The following ANTXR1 variants were observed in gnomAD, a reference collection of about 807,000 sequenced individuals.
ANTXR1 encodes anthrax toxin receptor 1.
ANTXR1 carries 19 observed loss-of-function variants against 78.1 expected under a neutral mutation model. The observed-to-expected ratio is 0.24, with a 90% CI of 0.17 to 0.36. The LOEUF (loss-of-function observed/expected upper bound fraction) is 0.36, where lower values mean the gene tolerates loss of function less well. Among genes scored for constraint, ANTXR1 ranks in the 10% least tolerant of loss-of-function variants. The pLI, the probability that ANTXR1 is intolerant of heterozygous loss-of-function variation, is 1.00. For synonymous variants in ANTXR1, 273 were observed against 260.5 expected (o/e 1.05, Z -0.46); for missense variants, 518 against 718.6 (o/e 0.72, Z 3.19).
chr2:69,240,192 C>T (rs1240605814), intron 17 of ANTXR1, among the ~76,000 whole-genome samples: 1 of 152,216 alleles, frequency 6.6e-6, no homozygotes, highest in Non-Finnish European at 1.5e-5. Context: ...CACCTCGGAG[C>T]TCCGGTGTGT....
At chr2:69,152,075 G>A in intron 12 of ANTXR1, 94 bp from the exon 13 acceptor site, 1 of 1,261,688 alleles carries the variant, frequency 7.9e-7, no homozygotes, top group Non-Finnish European at 1.2e-6. Flanking sequence ...TGCTCTCTGA[G>A]CCTTAAATCT....
At chr2:69,046,153 C>A (rs1228565457) in intron 3 of ANTXR1, among the ~76,000 whole-genome samples, 1 of 152,120 alleles carries the variant, frequency 6.6e-6, no homozygotes, top group Non-Finnish European at 1.5e-5. Flanking sequence ...ACACCCCTCT[C>A]GCCTGTTCTT....
At chr2:69,117,753 A>G (rs1672197493) in intron 10 of ANTXR1, among the ~76,000 whole-genome samples, 1 of 152,200 alleles carries the variant, frequency 6.6e-6, no homozygotes, top group South Asian at 2.1e-4. Context: ...CTTGAATGCG[A>G]TATTATTGAC....
In ANTXR1 at chr2:69,066,647, CA is replaced by C. The variant is rs1185256588; in HGVS notation, c.297-3999del. Among the ~76,000 whole-genome samples, 21 of 152,312 alleles carry C rather than the reference CA, an allele frequency of 1.4e-4. No individual in the cohort carries two copies. The East Asian group carries it at 3.9e-3, about 28-fold the overall frequency. ...CTCCCCACCTTCTACCCCTACAAAC[CA>C]GCAGAGTGCTGGGTGCATGGTGTAT... On this transcript the variant is annotated intron_variant, in intron 3 of 17. Coordinates refer to ENST00000303714, the MANE Select transcript of ANTXR1 (RefSeq NM_032208.3).
intron 17 of ANTXR1, among the ~76,000 whole-genome samples, chr2:69,215,557 A>T (rs896810653): frequency 6.6e-6 from 1 of 152,220 alleles, no homozygotes; most frequent in African/African-American, 2.4e-5. Flanking sequence ...CCCAGCTATG[A>T]TAGGCACTCA....
At chr2:69,169,831 A>G (rs1225115810) in intron 13 of ANTXR1, among the ~76,000 whole-genome samples, 2 of 152,240 alleles carry the variant, frequency 1.3e-5, no homozygotes, top group East Asian at 1.9e-4. Context: ...ACATCCCTAA[A>G]GCACCATGTT....
chr2:69,246,149 A>G lies in ANTXR1; in HGVS notation c.*664A>G. 1 of 152,610 alleles carries G rather than the reference A, an allele frequency of 6.6e-6. No individual in the cohort carries two copies. 9.5% of individuals were successfully genotyped at this position (152,610 alleles called of 1,614,324 possible). On this transcript the variant is annotated 3_prime_UTR_variant, in exon 18 of 18. Coordinates refer to ENST00000303714, the MANE Select transcript of ANTXR1 (RefSeq NM_032208.3). ...GCAGGTGTTTACTGATGGAAAAGGT[A>G]TGTTGCTATGTTGATGTGTAAGTGA...
chr2:69,084,614 AG>A (rs1224660036), intron 8 of ANTXR1, among the ~76,000 whole-genome samples: 1 of 59,994 alleles, frequency 1.7e-5, no homozygotes, highest in African/African-American at 5.4e-5. Flanking sequence ...TTTTTTTTTT[AG>A]AGATGGGGTC....
intron 14 of ANTXR1, among the ~76,000 whole-genome samples, chr2:69,174,569 G>A (rs181150112): frequency 1.3e-5 from 2 of 152,114 alleles, no homozygotes; most frequent in East Asian, 1.9e-4. Context: ...AAGTTGCAGT[G>A]AGCCAAGATC....
intron 10 of ANTXR1, among the ~76,000 whole-genome samples, chr2:69,108,483 T>A (rs1671880849): frequency 6.6e-6 from 1 of 152,272 alleles, no homozygotes; most frequent in Admixed American, 6.5e-5. Context: ...ACTTTCATTT[T>A]AAGTTCAGCG....
intron 13 of ANTXR1, among the ~76,000 whole-genome samples, chr2:69,155,799 C>A (rs977396624): frequency 6.6e-6 from 1 of 152,136 alleles, no homozygotes; most frequent in Admixed American, 6.5e-5. Context: ...TAGGGGGTGG[C>A]TTTATGTATA....
intron 17 of ANTXR1, among the ~76,000 whole-genome samples, chr2:69,237,654 A>T (rs1675799240): frequency 6.6e-6 from 1 of 152,188 alleles, no homozygotes; most frequent in Non-Finnish European, 1.5e-5. Flanking sequence ...CTCCTGGGCT[A>T]AAGTGATCCA....
At chr2:69,115,652 G>A (rs13397348) in intron 10 of ANTXR1, among the ~76,000 whole-genome samples, 14,941 of 152,152 alleles carry the variant, frequency 0.098, 826 homozygotes, top group African/African-American at 0.15. Flanking sequence ...GAACAGAATG[G>A]GAAATCAAAA....
chr2:69,133,049 A>T (rs1411859081), intron 12 of ANTXR1, among the ~76,000 whole-genome samples: 1 of 152,194 alleles, frequency 6.6e-6, no homozygotes, highest in Non-Finnish European at 1.5e-5. Context: ...CGCTCTGAGG[A>T]GTGTCCACTT....
chr2:69,133,817 T>A (rs1672829394), intron 12 of ANTXR1, among the ~76,000 whole-genome samples: 1 of 152,120 alleles, frequency 6.6e-6, no homozygotes, highest in Non-Finnish European at 1.5e-5. Flanking sequence ...AGGTGATAGG[T>A]CCTTTGAAAT....
intron 17 of ANTXR1, among the ~76,000 whole-genome samples, chr2:69,224,777 T>C (rs138409406): frequency 1.0e-3 from 154 of 151,640 alleles, no homozygotes; most frequent in African/African-American, 3.4e-3. Context: ...GGCAGAAGAG[T>C]CTCAACTCCA....
intron 17 of ANTXR1, among the ~76,000 whole-genome samples, chr2:69,202,468 G>A (rs1674796063): frequency 6.6e-6 from 1 of 152,206 alleles, no homozygotes; most frequent in Non-Finnish European, 1.5e-5. Context: ...GGCAGTAGCT[G>A]GAGGAGATCT....
chr2:69,248,302 G>A lies in ANTXR1; in HGVS notation c.*2817G>A, dbSNP rs1676065862. 2.4e-5 allele frequency: 4 copies of A among 166,798 alleles called. No individual in the cohort carries two copies. Among genetic ancestry groups the A allele is most frequent in the South Asian group, 4.1e-4 (2 of 4,824 alleles). 10.3% of individuals were successfully genotyped at this position (166,798 alleles called of 1,614,324 possible). A position where few individuals can be genotyped will look rare whatever the true frequency, so the allele number is the denominator to read the frequency against. On this transcript the variant is annotated 3_prime_UTR_variant, in exon 18 of 18. Transcript: ENST00000303714. The stretch of plus-strand genomic sequence containing the variant: ...ATTTCCTATCCAGTGTGAATAAAAA[G>A]AACAGTTGTAGTAAATTATTATAAA...
intron 3 of ANTXR1, among the ~76,000 whole-genome samples, chr2:69,060,804 G>A (rs1032659296): frequency 1.3e-5 from 2 of 151,966 alleles, no homozygotes; most frequent in Non-Finnish European, 2.9e-5. Flanking sequence ...AAAAAATGAG[G>A]ACTTCCAACT....
Sources: allele counts gnomAD v4.1 joint callset (sites outside exome capture counted in the v4.1 genomes callset), GRCh38; gene constraint gnomAD v4.1.1; transcripts MANE v1.5; gene names NCBI Gene and HGNC (gene_info 2026-07-23, HGNC 2026-07-21).